Variants in BLTP1 observed in about 807,000 individuals in gnomAD.
The protein encoded by BLTP1 is bridge-like lipid transfer protein family member 1, also known as fragile site-associated protein.
At chr4:122,304,724 A>C in the BLTP1 span, 1 of 1,557,046 alleles carries the variant, frequency 6.4e-7, no homozygotes, top group East Asian at 2.3e-5. Flanking sequence ...TCATATACTG[A>C]AAGACTACAT....
the BLTP1 span, chr4:122,229,649 C>G: frequency 4.6e-6 from 4 of 870,084 alleles, no homozygotes; most frequent in African/African-American, 7.3e-5. Context: ...TGTTAAGTTT[C>G]TACTATTTCA....
the BLTP1 span, chr4:122,214,500 TA>T: frequency 1.1e-6 from 1 of 943,168 alleles, no homozygotes; most frequent in South Asian, 4.9e-5. Context: ...TATTTGTAAA[TA>T]TTTGTGTACA....
At chr4:122,185,023 A>C in the BLTP1 span, 1 of 985,306 alleles carries the variant, frequency 1.0e-6, no homozygotes, top group South Asian at 4.7e-5. Context: ...GTGGGGCAAG[A>C]GAATGATAGC....
chr4:122,301,405 A>C, the BLTP1 span: 1 of 1,500,294 alleles, frequency 6.7e-7, no homozygotes, highest in Non-Finnish European at 9.0e-7. Flanking sequence ...AAGGTAACAT[A>C]AATATAATGA....
At chr4:122,199,260 A>G in the BLTP1 span, 1 of 1,493,810 alleles carries the variant, frequency 6.7e-7, no homozygotes, top group Non-Finnish European at 9.0e-7. Context: ...TTTTTCAAGG[A>G]TTCCTTCTTT....
At chr4:122,180,931 A>G in the BLTP1 span, among the ~76,000 whole-genome samples, 3 of 152,222 alleles carry the variant, frequency 2.0e-5, no homozygotes, top group African/African-American at 7.2e-5. Flanking sequence ...TAATAAAATA[A>G]CAGAAAGGGA....
the BLTP1 span, chr4:122,227,251 G>A: frequency 1.1e-5 from 11 of 987,858 alleles, no homozygotes; most frequent in South Asian, 4.7e-5. Context: ...TAGCAAGGTT[G>A]GTCATTTGCC....
the BLTP1 span, among the ~76,000 whole-genome samples, chr4:122,166,633 G>A: frequency 2.0e-5 from 3 of 152,128 alleles, no homozygotes; most frequent in Non-Finnish European, 4.4e-5. Flanking sequence ...AGCTTGATAG[G>A]GATGGCATTG....
At chr4:122,209,787 G>A in the BLTP1 span, 1 of 1,609,122 alleles carries the variant, frequency 6.2e-7, no homozygotes, top group Non-Finnish European at 8.5e-7. Flanking sequence ...ATGAGTATCT[G>A]ACTAGAAACT....
the BLTP1 span, chr4:122,355,971 A>G: frequency 6.2e-7 from 1 of 1,609,536 alleles, no homozygotes; most frequent in Non-Finnish European, 8.5e-7. Context: ...TTCAAGAACC[A>G]CAGGAGCCTT....
the BLTP1 span, chr4:122,245,197 A>G: frequency 6.8e-7 from 1 of 1,477,978 alleles, no homozygotes; most frequent in Non-Finnish European, 9.3e-7. Flanking sequence ...ATGGTTACAG[A>G]ATATTCAAAC....
the BLTP1 span, chr4:122,360,031 A>C: frequency 1.0e-6 from 1 of 985,194 alleles, no homozygotes; most frequent in African/African-American, 1.7e-5. Context: ...CCAAGATGTT[A>C]TTTTCAGGGT....
At chr4:122,164,508 G>A in the BLTP1 span, 1 of 725,020 alleles carries the variant, frequency 1.4e-6, no homozygotes. Flanking sequence ...GTGAGACTGT[G>A]TTCTATTAAG....
the BLTP1 span, among the ~76,000 whole-genome samples, chr4:122,341,458 G>A: frequency 6.6e-6 from 1 of 152,116 alleles, no homozygotes; most frequent in Admixed American, 6.6e-5. Flanking sequence ...CTTTTGGAAT[G>A]TTAATCTTTT....
the BLTP1 span, among the ~76,000 whole-genome samples, chr4:122,350,765 C>T: frequency 1.3e-5 from 2 of 152,072 alleles, no homozygotes; most frequent in African/African-American, 4.8e-5. Context: ...GAAGAGAGTT[C>T]CAGGCATCGG....
the BLTP1 span, chr4:122,336,817 G>C: frequency 1.3e-6 from 2 of 1,497,418 alleles, no homozygotes; most frequent in South Asian, 1.3e-5. Context: ...TAAACAATAA[G>C]GATCTTTTAA....
At chr4:122,157,503 A>G in the BLTP1 span, among the ~76,000 whole-genome samples, 2 of 152,088 alleles carry the variant, frequency 1.3e-5, no homozygotes, top group Non-Finnish European at 2.9e-5. Flanking sequence ...CACAACCTAA[A>G]TCCCTCGCAG....
chr4:122,247,281 A>C, the BLTP1 span: 23 of 1,613,450 alleles, frequency 1.4e-5, no homozygotes, highest in African/African-American at 2.9e-4. Context: ...ATGCTGGAGC[A>C]GAAAAAGGCA....
At chr4:122,326,430 C>G in the BLTP1 span, among the ~76,000 whole-genome samples, 1 of 151,698 alleles carries the variant, frequency 6.6e-6, no homozygotes, top group Non-Finnish European at 1.5e-5. Flanking sequence ...AAAATTAGCA[C>G]TTATCCAAAT....
Sources: allele counts gnomAD v4.1 joint callset (sites outside exome capture counted in the v4.1 genomes callset), GRCh38; gene constraint gnomAD v4.1.1; transcripts MANE v1.5; gene names NCBI Gene and HGNC (gene_info 2026-07-23, HGNC 2026-07-21).